The following CLSTN2 variants were observed in gnomAD, a reference collection of about 807,000 sequenced individuals.
CLSTN2 encodes calsyntenin 2, also known as calsyntenin-2.
In CLSTN2, 48 loss-of-function variants were observed where a neutral mutation model predicts 101.2. The ratio of observed to expected loss-of-function variants is 0.47; its 90% CI spans 0.38 to 0.60. The LOEUF is 0.60. Ranked by LOEUF, CLSTN2 falls within the 20% of genes least tolerant of loss-of-function variation. The pLI is 0.00. For synonymous variants in CLSTN2, 481 were observed against 463.6 expected (o/e 1.04, Z -0.48); for missense variants, 1,160 against 1,238.2 (o/e 0.94, Z 0.95).
rs1414797155 is a variant in CLSTN2, at chr3:140,574,207, C to T, written c.*7954C>T. The T allele has an allele frequency of 6.6e-6, 1 of 152,242 alleles. No homozygotes were observed. Among genetic ancestry groups the T allele is most frequent in the Non-Finnish European group, 1.5e-5 (1 of 68,064 alleles). The allele number at this position is 152,242 out of a possible 1,614,324, so 9.4% of individuals were successfully genotyped here. ...AGTGGAGAAAGCCTCCTCCAACTTC[C>T]TTCTCGGTTTGTGAGTCAAGGTCCT... is the stretch of plus-strand genomic sequence containing the variant. On this transcript the variant is annotated 3_prime_UTR_variant, in exon 17 of 17. Coordinates refer to ENST00000458420, the MANE Select transcript of CLSTN2 (RefSeq NM_022131.3).
chr3:140,554,137 A>G (rs183549689), intron 10 of CLSTN2, among the ~76,000 whole-genome samples: 2 of 152,308 alleles, frequency 1.3e-5, no homozygotes, highest in East Asian at 3.9e-4. Flanking sequence ...AAAGGCACCA[A>G]AGCGCAGTGG....
chr3:140,363,977 A>G (rs755623315), intron 2 of CLSTN2, among the ~76,000 whole-genome samples: 34 of 152,210 alleles, frequency 2.2e-4, no homozygotes, highest in Non-Finnish European at 4.3e-4. Context: ...TACAGGATGC[A>G]GCACCACTCA....
chr3:140,499,304 G>T (rs1481257507), intron 8 of CLSTN2, among the ~76,000 whole-genome samples: 1 of 152,114 alleles, frequency 6.6e-6, no homozygotes, highest in Non-Finnish European at 1.5e-5. Flanking sequence ...AACTGCATGA[G>T]CCACAGCCCC....
At chr3:140,156,015 A>G (rs1005045167) in intron 1 of CLSTN2, among the ~76,000 whole-genome samples, 5 of 151,800 alleles carry the variant, frequency 3.3e-5, no homozygotes, top group African/African-American at 4.8e-5. Context: ...AATTTTATTG[A>G]TCTTACTTTT....
chr3:140,522,081 G>A (rs1231340068), intron 8 of CLSTN2, among the ~76,000 whole-genome samples: 1 of 152,218 alleles, frequency 6.6e-6, no homozygotes, highest in South Asian at 2.1e-4. Flanking sequence ...CTGATCTGCA[G>A]GTTGCAAAAA....
chr3:140,183,822 G>A (rs781599635), intron 2 of CLSTN2, among the ~76,000 whole-genome samples: 5 of 152,092 alleles, frequency 3.3e-5, no homozygotes, highest in African/African-American at 7.2e-5. Context: ...CTCTGAAATA[G>A]GCATTATTAT....
chr3:140,152,100 T>G (rs941473141), intron 1 of CLSTN2, among the ~76,000 whole-genome samples: 3 of 152,206 alleles, frequency 2.0e-5, no homozygotes, highest in Admixed American at 1.3e-4. Flanking sequence ...AAATTACATC[T>G]GTTAGATTAG....
rs367933711 is a variant in CLSTN2 at position 140,193,261 on chromosome 3, G to GTTT, written c.232+17208_232+17210dup. 2.5e-3 allele frequency among the ~76,000 whole-genome samples: 220 copies of GTTT among 87,390 alleles called. 2 individuals carry two copies. Among genetic ancestry groups the GTTT allele is most frequent in the African/African-American group, 9.2e-3 (206 of 22,504 alleles). 57.3% of individuals were successfully genotyped at this position (87,390 alleles called of 152,430 possible). The stretch of plus-strand genomic sequence containing the variant: ...ATGCTCCAAGGTTTCCTTTTTTATA[G>GTTT]TTTTTTTTTTTTTTTTTTTTTTGGT... On this transcript the variant is annotated intron_variant, in intron 2 of 16. Coordinates refer to ENST00000458420, the MANE Select transcript of CLSTN2 (RefSeq NM_022131.3).
chr3:140,436,679 A>G (rs899314214), intron 5 of CLSTN2, among the ~76,000 whole-genome samples: 3 of 152,188 alleles, frequency 2.0e-5, no homozygotes, highest in Non-Finnish European at 4.4e-5. Context: ...GGGCCCCGGC[A>G]GGTGTGGAAG....
At chr3:140,008,315 G>A (rs753742041) in intron 1 of CLSTN2, among the ~76,000 whole-genome samples, 12 of 152,218 alleles carry the variant, frequency 7.9e-5, no homozygotes, top group Non-Finnish European at 1.0e-4. Flanking sequence ...ATTGCCCCTG[G>A]TATCATTGCC....
At chr3:140,196,289 G>A (rs1176389735) in intron 2 of CLSTN2, among the ~76,000 whole-genome samples, 2 of 152,180 alleles carry the variant, frequency 1.3e-5, no homozygotes, top group Admixed American at 6.5e-5. Context: ...GGAAGGCGGG[G>A]GAAAAATCCA....
intron 5 of CLSTN2, among the ~76,000 whole-genome samples, chr3:140,445,780 A>C (rs1446765294): frequency 6.6e-6 from 1 of 152,144 alleles, no homozygotes; most frequent in African/African-American, 2.4e-5. Flanking sequence ...TCCACCCAGC[A>C]AATATTTCCT....
At chr3:140,205,972 A>T (rs1471815835) in intron 2 of CLSTN2, among the ~76,000 whole-genome samples, 2 of 152,132 alleles carry the variant, frequency 1.3e-5, no homozygotes, top group Non-Finnish European at 2.9e-5. Context: ...ATTCCCAAAA[A>T]GCACAGGAGC....
At position 140,568,790 on chromosome 3, in the gene CLSTN2, G is replaced by A. The variant is rs1212882355; in HGVS notation, c.*2537G>A. On this transcript the variant is annotated 3_prime_UTR_variant, in exon 17 of 17. Coordinates refer to ENST00000458420, the MANE Select transcript of CLSTN2 (RefSeq NM_022131.3). ...TCTCTGGGTGGCTGCCTTATTCATA[G>A]TTGAGAGAGCTGTTAGGTAAAATCT... 3 of 152,170 alleles carry A rather than the reference G, an allele frequency of 2.0e-5. No individual in the cohort carries two copies. Among genetic ancestry groups the A allele is most frequent in the Admixed American group, 6.5e-5 (1 of 15,282 alleles). 9.4% of individuals were successfully genotyped at this position (152,170 alleles called of 1,614,324 possible).
chr3:140,113,801 G>T (rs1280764136), intron 1 of CLSTN2, among the ~76,000 whole-genome samples: 1 of 152,184 alleles, frequency 6.6e-6, no homozygotes, highest in Non-Finnish European at 1.5e-5. Context: ...CGACTATCAG[G>T]TTGAGCAAAA....
At chr3:140,329,920 C>T (rs1024039568) in intron 2 of CLSTN2, among the ~76,000 whole-genome samples, 2 of 152,156 alleles carry the variant, frequency 1.3e-5, no homozygotes, top group South Asian at 2.1e-4. Context: ...TTTTTCTTCC[C>T]CTGTTCAGGG....
intron 2 of CLSTN2, among the ~76,000 whole-genome samples, chr3:140,349,513 C>T (rs1164396220): frequency 6.6e-6 from 1 of 152,038 alleles, no homozygotes; most frequent in East Asian, 1.9e-4. Flanking sequence ...TTGTTTGTTC[C>T]CTTAATACAA....
At chr3:139,955,672 G>GA (rs1935382025) in intron 1 of CLSTN2, among the ~76,000 whole-genome samples, 1 of 152,300 alleles carries the variant, frequency 6.6e-6, no homozygotes, top group African/African-American at 2.4e-5. Context: ...GTCATCTAGA[G>GA]CTAGGCCCTT....
At chr3:140,369,235 T>C (rs2087824873) in intron 2 of CLSTN2, among the ~76,000 whole-genome samples, 2 of 152,214 alleles carry the variant, frequency 1.3e-5, no homozygotes, top group African/African-American at 2.4e-5. Context: ...ATTCATCAAT[T>C]GGATTCTAGA....
Sources: gnomAD v4.1 joint callset for allele counts (sites outside exome capture counted in the v4.1 genomes callset) on GRCh38, gnomAD v4.1.1 for gene constraint, MANE v1.5 for transcripts, NCBI Gene and HGNC (gene_info 2026-07-23, HGNC 2026-07-21) for gene names.